The following SHISA9 variants were observed in gnomAD, a reference collection of about 807,000 sequenced individuals.
SHISA9 encodes the protein protein shisa-9.
In SHISA9, 13 loss-of-function variants were observed where a neutral mutation model predicts 38.0. That is an observed-to-expected ratio of 0.34 (90% CI 0.22 to 0.54). The LOEUF (loss-of-function observed/expected upper bound fraction) is 0.54. Among genes scored for constraint, SHISA9 ranks in the 20% least tolerant of loss-of-function variants. The pLI is 0.91. For missense variants in SHISA9, 538 were observed against 575.8 expected, an observed-to-expected ratio of 0.93 and a Z score of 0.67; for synonymous variants, 275 against 242.0, an observed-to-expected ratio of 1.14 and a Z score of -1.27.
intron 2 of SHISA9, among the ~76,000 whole-genome samples, chr16:13,179,571 C>T (rs2050760206): frequency 6.6e-6 from 1 of 152,208 alleles, no homozygotes; most frequent in African/African-American, 2.4e-5. Flanking sequence ...TCTTCCTTGC[C>T]TTCTCAGGTG....
At chr16:13,422,907 C>T in the SHISA9 span, among the ~76,000 whole-genome samples, 1 of 152,152 alleles carries the variant, frequency 6.6e-6, no homozygotes, top group Non-Finnish European at 1.5e-5. Context: ...GCTAAGATTC[C>T]TCCTAACTCT....
chr16:13,127,008 T>G (rs2050264633), intron 2 of SHISA9, among the ~76,000 whole-genome samples: 1 of 111,614 alleles, frequency 9.0e-6, no homozygotes, highest in Non-Finnish European at 1.8e-5. Context: ...GGAAAAAGAC[T>G]GTGGGAAGGA....
the SHISA9 span, among the ~76,000 whole-genome samples, chr16:13,440,525 C>T: frequency 6.6e-6 from 1 of 152,188 alleles, no homozygotes; most frequent in African/African-American, 2.4e-5. Context: ...GACTGACGCC[C>T]CCTTTGCATG....
At position 13,231,968 on chromosome 16, in the gene SHISA9, T is replaced by C. The variant is rs541889082; in HGVS notation, c.896-3062T>C. Among the ~76,000 whole-genome samples the C allele has an allele frequency of 8.5e-5, 13 of 152,312 alleles. No homozygotes were observed. In the South Asian group the frequency reaches 2.7e-3, roughly 32 times the overall value. Reference sequence around the variant, plus strand: ...TTCCTTATTTGTCAAGCGGGAGAAATAGTCCCCATCTTTTCCACCTTCATT... The same window carrying C: ...TTCCTTATTTGTCAAGCGGGAGAAACAGTCCCCATCTTTTCCACCTTCATT... On this transcript the variant is annotated intron_variant, in intron 4 of 4. Transcript: ENST00000558583.
chr16:12,912,796 G>T (rs952616126), intron 1 of SHISA9, among the ~76,000 whole-genome samples: 1 of 152,192 alleles, frequency 6.6e-6, no homozygotes, highest in Non-Finnish European at 1.5e-5. Context: ...CTGTGAAACA[G>T]GTGATGCTGA....
At chr16:12,922,601 C>T (rs2071341813) in intron 2 of SHISA9, among the ~76,000 whole-genome samples, 1 of 152,228 alleles carries the variant, frequency 6.6e-6, no homozygotes, top group African/African-American at 2.4e-5. Context: ...CTCATTGCGA[C>T]CCCTGCCTCC....
At chr16:13,321,920 T>A in the SHISA9 span, among the ~76,000 whole-genome samples, 6 of 152,232 alleles carry the variant, frequency 3.9e-5, no homozygotes, top group Admixed American at 3.3e-4. Flanking sequence ...GGATTTGTGA[T>A]CATTAAACAA....
At chr16:13,341,387 A>G in the SHISA9 span, among the ~76,000 whole-genome samples, 1 of 152,132 alleles carries the variant, frequency 6.6e-6, no homozygotes, top group Non-Finnish European at 1.5e-5. Context: ...GTATGAGTGG[A>G]TTCCTCTTCC....
chr16:13,274,226 G>A, the SHISA9 span, among the ~76,000 whole-genome samples: 1 of 152,276 alleles, frequency 6.6e-6, no homozygotes, highest in African/African-American at 2.4e-5. Context: ...CCATCATCTT[G>A]AGTTGTCTTT....
chr16:13,491,933 T>C, the SHISA9 span, among the ~76,000 whole-genome samples: 2 of 133,248 alleles, frequency 1.5e-5, no homozygotes, highest in Admixed American at 1.7e-4. Context: ...TGCCTCAGCC[T>C]CCCAAAGTAC....
chr16:12,958,234 T>C (rs2071862842), intron 2 of SHISA9, among the ~76,000 whole-genome samples: 1 of 152,260 alleles, frequency 6.6e-6, no homozygotes, highest in South Asian at 2.1e-4. Flanking sequence ...CGGTATTCCA[T>C]TGCATGGATG....
rs1005776095 is a variant in SHISA9 at position 13,238,909 on chromosome 16, C to T, written c.*3500C>T. The T allele has an allele frequency of 4.0e-5, 6 of 149,132 alleles. No individual in the cohort carries two copies. Among genetic ancestry groups the T allele is most frequent in the Non-Finnish European group, 5.9e-5 (4 of 67,466 alleles). The allele number at this position is 149,132 out of a possible 1,614,324, so 9.2% of individuals were successfully genotyped here. ...TGCAGGTTAGTTACATATGTATACACGTGTCATGCTGGTGTGCTGCACCCA... is the reference window on the plus strand; with the variant it reads ...TGCAGGTTAGTTACATATGTATACATGTGTCATGCTGGTGTGCTGCACCCA... On this transcript the variant is annotated 3_prime_UTR_variant, in exon 5 of 5. Transcript: ENST00000558583.
chr16:13,203,573 T>C, intron 3 of SHISA9, 24 bp downstream of exon 3: 1 of 1,462,530 alleles, frequency 6.8e-7, no homozygotes, highest in Non-Finnish European at 9.1e-7. Context: ...GATGGATCTT[T>C]TTCTCTTTCT....
chr16:13,015,483 TCTCCAAAGCCAGTATTCTTTA>T (rs1279630858), intron 2 of SHISA9, among the ~76,000 whole-genome samples: 1 of 152,224 alleles, frequency 6.6e-6, no homozygotes, highest in African/African-American at 2.4e-5. Context: ...CCAGTCGGCA[TCTCCAAAGCCAGTATTCTTTA>T]CTCCACTCTA....
At chr16:13,273,382 G>A in the SHISA9 span, among the ~76,000 whole-genome samples, 1 of 152,228 alleles carries the variant, frequency 6.6e-6, no homozygotes, top group South Asian at 2.1e-4. Flanking sequence ...CCTGGTGGGA[G>A]GTAATTGAAT....
At chr16:13,120,478 T>C (rs375745208) in intron 2 of SHISA9, among the ~76,000 whole-genome samples, 98 of 152,304 alleles carry the variant, frequency 6.4e-4, no homozygotes, top group South Asian at 2.7e-3. Flanking sequence ...TGGTCGTATG[T>C]AGGGCGGAGA....
chr16:13,268,524 C>G, the SHISA9 span, among the ~76,000 whole-genome samples: 2 of 152,000 alleles, frequency 1.3e-5, no homozygotes, highest in African/African-American at 4.8e-5. Flanking sequence ...AACAAACAAA[C>G]AAACAAAAAT....
chr16:13,073,225 T>A (rs1216070343), intron 2 of SHISA9, among the ~76,000 whole-genome samples: 1 of 150,154 alleles, frequency 6.7e-6, no homozygotes, highest in Admixed American at 6.6e-5. Context: ...TCTCTCTCTT[T>A]TTTTTTTTTT....
Position 13,022,926 on chromosome 16 carries a change from T to C in SHISA9, c.691+106111T>C, listed in dbSNP as rs536562249. On this transcript the variant is annotated intron_variant, in intron 2 of 4. Transcript: ENST00000558583. ...TTGTATAAGGACATCTGTCACTGGA[T>C]TTAGGGGCCACCCCATAATCCAGGA... 3.3e-5 allele frequency among the ~76,000 whole-genome samples: 5 copies of C among 152,336 alleles called. No individual in the cohort carries two copies. The South Asian group carries it at 8.3e-4, about 25-fold the overall frequency.
Sources: allele counts gnomAD v4.1 joint callset (sites outside exome capture counted in the v4.1 genomes callset), GRCh38; gene constraint gnomAD v4.1.1; transcripts MANE v1.5; gene names NCBI Gene and HGNC (gene_info 2026-07-23, HGNC 2026-07-21).